Variants in CFAP43 observed in about 807,000 individuals in gnomAD.
The protein encoded by CFAP43 is cilia- and flagella-associated protein 43.
Under a neutral mutation model 218.9 loss-of-function variants are expected in CFAP43, and 155 were observed. The observed-to-expected ratio is 0.71, with a 90% CI of 0.62 to 0.81. The LOEUF is 0.81. Ranked by LOEUF, CFAP43 falls within the 30% of genes least tolerant of loss-of-function variation. The pLI, the probability that CFAP43 is intolerant of heterozygous loss-of-function variation, is 0.00. For synonymous variants in CFAP43, 645 were observed against 681.3 expected, an observed-to-expected ratio of 0.95 and a Z score of 0.83; for missense variants, 1,778 against 1,954.3, an observed-to-expected ratio of 0.91 and a Z score of 1.70.
chr10:104,210,796 T>C (rs1047794163), intron 5 of CFAP43, among the ~76,000 whole-genome samples: 1 of 139,264 alleles, frequency 7.2e-6, no homozygotes, highest in Non-Finnish European at 1.6e-5. Context: ...TTTTTTTTTT[T>C]TTTTTTTTTT....
chr10:104,167,028 A>G (rs1279133683), intron 22 of CFAP43, among the ~76,000 whole-genome samples: 1 of 152,188 alleles, frequency 6.6e-6, no homozygotes. Context: ...AAGTATTAAG[A>G]AATATATATT....
intron 33 of CFAP43, among the ~76,000 whole-genome samples, 190 bp downstream of exon 33, chr10:104,142,091 G>A (rs1172801434): frequency 6.6e-6 from 1 of 152,152 alleles, no homozygotes. Flanking sequence ...AACAAAACGT[G>A]GGAAAGTTCC....
chr10:104,162,232 G>T (rs926616834), intron 25 of CFAP43, 85 bp downstream of exon 25: 3 of 1,361,660 alleles, frequency 2.2e-6, no homozygotes, highest in African/African-American at 2.9e-5. Context: ...CGACAAATGT[G>T]TTGATGGGTT....
intron 28 of CFAP43, among the ~76,000 whole-genome samples, chr10:104,150,544 C>T (rs563858386): frequency 3.0e-4 from 46 of 152,296 alleles, no homozygotes; most frequent in African/African-American, 1.1e-3. Flanking sequence ...GTAACCTTTT[C>T]AGTGTACCAT....
chr10:104,174,804 C>T (rs910580211), intron 19 of CFAP43, among the ~76,000 whole-genome samples: 10 of 151,746 alleles, frequency 6.6e-5, no homozygotes, highest in African/African-American at 2.4e-4. Context: ...GCCTGTAATC[C>T]CAGCACTTTG....
intron 2 of CFAP43, among the ~76,000 whole-genome samples, chr10:104,229,783 A>G (rs1175706464): frequency 6.6e-6 from 1 of 152,250 alleles, no homozygotes; most frequent in Non-Finnish European, 1.5e-5. Context: ...CAGCCTTCAC[A>G]TTAGACACCA....
At position 104,213,117 on chromosome 10, in the gene CFAP43, T is replaced by A. The variant is rs578192529; in HGVS notation, c.585-960A>T. On this transcript the variant is annotated intron_variant, in intron 4 of 37. Coordinates refer to ENST00000357060, the MANE Select transcript of CFAP43 (RefSeq NM_025145.7). ...TATTAAAAGGTGCAGTGTTGTCAAC[T>A]CTCACTAGAGACAGATTTGGCTATT... Among the ~76,000 whole-genome samples the A allele has an allele frequency of 1.4e-3, 207 of 152,300 alleles. 6 individuals are homozygous for A. Among genetic ancestry groups the A allele is most frequent in the Admixed American group, 0.013 (204 of 15,308 alleles).
In CFAP43 at chr10:104,185,974, C is replaced by T; in HGVS notation, c.2010G>A (p.Leu670=). 1 of 1,608,492 alleles carries T rather than the reference C, an allele frequency of 6.2e-7. No individual in the cohort carries two copies. Among genetic ancestry groups the T allele is most frequent in the Non-Finnish European group, 8.5e-7 (1 of 1,178,278 alleles). ...GILCIRDVYT[L]ETFAWCRSHS... Reference sequence around the variant, plus strand: ...ATTTTTTTTTAAGAAAGCAGCTTACCAAAGTATAAACGTCTCGGATACACA... The same window carrying T: ...ATTTTTTTTTAAGAAAGCAGCTTACTAAAGTATAAACGTCTCGGATACACA... The change falls in exon 15 of 38, where the codon TTG becomes TTA. Residue 670 remains leucine, a splice_region_variant and synonymous_variant. Coordinates refer to ENST00000357060, the MANE Select transcript of CFAP43 (RefSeq NM_025145.7).
At chr10:104,188,551 A>T (rs2090107685) in intron 12 of CFAP43, 141 bp from the exon 13 acceptor site, 2 of 1,094,746 alleles carry the variant, frequency 1.8e-6, no homozygotes, top group Non-Finnish European at 2.5e-6. Flanking sequence ...ATTTAAAGTG[A>T]CCTTTAAACA....
At position 104,164,275 on chromosome 10, in the gene CFAP43, A is replaced by C. The variant is rs200961246; in HGVS notation, c.3065T>G (p.Val1022Gly). ...LKDIIYKVKTVFNNEFDAAYK... is the reference protein window; with the variant it reads ...LKDIIYKVKTGFNNEFDAAYK... The stretch of plus-strand genomic sequence containing the variant: ...TGCAGCGTCAAACTCATTATTGAAA[A>C]CAGTTTTTACCTTGTAAATGATATC... The change falls in exon 24 of 38, where the codon GTT (valine) becomes GGT (glycine). Residue 1022 changes from valine to glycine, a missense_variant. This residue lies in a region of CFAP43 where 1,553 missense variants were observed against 1,685.2 expected (regional missense o/e 0.92). Transcript: ENST00000357060. 1 of 1,607,092 alleles carries C rather than the reference A, an allele frequency of 6.2e-7. No individual in the cohort carries two copies. Among genetic ancestry groups the C allele is most frequent in the East Asian group, 2.2e-5 (1 of 44,782 alleles).
intron 8 of CFAP43, among the ~76,000 whole-genome samples, chr10:104,201,925 T>G (rs2090546857): frequency 6.6e-6 from 1 of 152,196 alleles, no homozygotes; most frequent in African/African-American, 2.4e-5. Context: ...AAAGATGTTT[T>G]CATTGGGTAT....
At chr10:104,210,459 C>T (rs901893332) in intron 5 of CFAP43, among the ~76,000 whole-genome samples, 83 of 152,328 alleles carry the variant, frequency 5.4e-4, no homozygotes, top group African/African-American at 1.9e-3. Flanking sequence ...CTCCGCCTCC[C>T]GGCTTCAAGT....
rs117695066 is a variant in CFAP43, at chr10:104,205,702, G to A, written c.963+261C>T. On this transcript the variant is annotated intron_variant, in intron 7 of 37. Coordinates refer to ENST00000357060, the MANE Select transcript of CFAP43 (RefSeq NM_025145.7). ...CAGATATTAGGTATTTTTTCATTGC[G>A]GAAGGGCAATGGATTTTTAAATTCT... Among the ~76,000 whole-genome samples the A allele has an allele frequency of 1.6e-4, 24 of 152,226 alleles. No homozygotes were observed. In the East Asian group the frequency reaches 2.9e-3, roughly 18 times the overall value.
At chr10:104,157,794 G>A (rs996287665) in intron 27 of CFAP43, among the ~76,000 whole-genome samples, 4 of 149,930 alleles carry the variant, frequency 2.7e-5, no homozygotes, top group Non-Finnish European at 5.9e-5. Flanking sequence ...GAGAGAGAGA[G>A]AGAGAGAGAG....
intron 31 of CFAP43, 107 bp from the exon 32 acceptor site, chr10:104,143,746 C>T (rs1376912437): frequency 1.9e-6 from 2 of 1,078,704 alleles, no homozygotes; most frequent in East Asian, 2.5e-5. Flanking sequence ...TGGCTCTTCC[C>T]TTTGCCATGT....
chr10:104,180,795 A>C (rs1024702044), intron 17 of CFAP43, among the ~76,000 whole-genome samples: 60 of 152,076 alleles, frequency 3.9e-4, no homozygotes, highest in South Asian at 6.2e-4. Flanking sequence ...AAATGTCTTG[A>C]AAGAGTTTGG....
At chr10:104,148,040 AC>A (rs752386141) in intron 28 of CFAP43, 42 bp from the exon 29 acceptor site, 15 of 1,298,304 alleles carry the variant, frequency 1.2e-5, no homozygotes, top group Middle Eastern at 4.2e-4. Context: ...AATTACTTCC[AC>A]CTGAGACAAT....
intron 8 of CFAP43, 159 bp downstream of exon 8, chr10:104,203,513 A>C: frequency 1.7e-6 from 1 of 582,366 alleles, no homozygotes; most frequent in Non-Finnish European, 2.7e-6. Context: ...GCTCTTTGTA[A>C]TTTAGGCCTT....
At chr10:104,133,877 G>A in intron 34 of CFAP43, 93 bp from the exon 35 acceptor site, 1 of 1,159,590 alleles carries the variant, frequency 8.6e-7, no homozygotes, top group Non-Finnish European at 1.2e-6. Flanking sequence ...GAAAATACTT[G>A]GGTCACAGAG....
Sources: gnomAD v4.1 joint callset for allele counts (sites outside exome capture counted in the v4.1 genomes callset) on GRCh38, gnomAD v4.1.1 for gene constraint, gnomAD v4.1.1 regional missense constraint, MANE v1.5 for transcripts, NCBI Gene and HGNC (gene_info 2026-07-23, HGNC 2026-07-21) for gene names.